The following GALNT18 variants were observed in gnomAD, a reference collection of about 807,000 sequenced individuals.
The protein encoded by GALNT18 is polypeptide N-acetylgalactosaminyltransferase 18, also known as GalNAc-transferase 18.
Under a neutral mutation model 69.5 loss-of-function variants are expected in GALNT18, and 44 were observed. The observed-to-expected ratio is 0.63, with a 90% CI of 0.50 to 0.81. The LOEUF (loss-of-function observed/expected upper bound fraction) is 0.81, where lower values mean the gene tolerates loss of function less well. Among genes scored for constraint, GALNT18 ranks in the 40% least tolerant of loss-of-function variants. GALNT18 has a pLI of 0.00. For synonymous variants in GALNT18, 364 were observed against 318.2 expected (o/e 1.14, Z -1.53); for missense variants, 715 against 810.0 (o/e 0.88, Z 1.42).
intron 1 of GALNT18, among the ~76,000 whole-genome samples, chr11:11,574,931 T>C (rs11021941): frequency 0.26 from 39,293 of 152,180 alleles, 6,703 homozygotes; most frequent in African/African-American, 0.48. Context: ...AAATTAATAG[T>C]CATGATTTAT....
chr11:11,303,793 C>A (rs1849535482), intron 9 of GALNT18, among the ~76,000 whole-genome samples: 1 of 152,252 alleles, frequency 6.6e-6, no homozygotes, highest in Non-Finnish European at 1.5e-5. Flanking sequence ...CACCATCACA[C>A]AAACTTATCT....
At chr11:11,392,369 C>T (rs892358748) in intron 3 of GALNT18, among the ~76,000 whole-genome samples, 1 of 152,192 alleles carries the variant, frequency 6.6e-6, no homozygotes, top group Non-Finnish European at 1.5e-5. Context: ...CCTGTAATCC[C>T]AGCACTCTGG....
intron 6 of GALNT18, among the ~76,000 whole-genome samples, chr11:11,342,116 A>G (rs987282824): frequency 6.6e-6 from 1 of 152,142 alleles, no homozygotes. Context: ...AGCCTCACTC[A>G]CTGATCGTGT....
At chr11:11,286,026 C>A (rs987296925) in intron 10 of GALNT18, among the ~76,000 whole-genome samples, 1 of 152,276 alleles carries the variant, frequency 6.6e-6, no homozygotes, top group Non-Finnish European at 1.5e-5. Flanking sequence ...CTATCCGCAA[C>A]GTTCCCCACT....
chr11:11,577,519 G>C (rs528357708), intron 1 of GALNT18, among the ~76,000 whole-genome samples: 1 of 152,200 alleles, frequency 6.6e-6, no homozygotes, highest in South Asian at 2.1e-4. Context: ...TCCAATTTCC[G>C]TTTTGTTAGA....
At chr11:11,576,052 G>A (rs1352730796) in intron 1 of GALNT18, among the ~76,000 whole-genome samples, 6 of 152,324 alleles carry the variant, frequency 3.9e-5, no homozygotes, top group Non-Finnish European at 7.3e-5. Context: ...AAGAGACAGA[G>A]CCAGGGTTTC....
In GALNT18 at chr11:11,439,057, C is replaced by T. The variant is rs535043843; in HGVS notation, c.429-6270G>A. Among the ~76,000 whole-genome samples the T allele has an allele frequency of 5.9e-5, 9 of 152,298 alleles. No homozygotes were observed. The South Asian group carries it at 1.9e-3, about 32-fold the overall frequency. ...CCTATGAGGCAGCCTAGCACAGAAG[C>T]TCTGCGTAGCTGGATCTAGTAATTT... On this transcript the variant is annotated intron_variant, in intron 2 of 10. Transcript: ENST00000227756. This position sits in a 1 kb window ranked among gnomAD's most constrained non-coding sequence, Gnocchi z 4.4.
rs1348209321 is a variant in GALNT18 at position 11,341,798 on chromosome 11, CCTT to C, written c.1093-797_1093-795del. 6.6e-6 allele frequency among the ~76,000 whole-genome samples: 1 copy of C among 152,030 alleles called. No homozygotes were observed. The highest frequency in any genetic ancestry group is 2.4e-5 in the African/African-American group (1 of 41,370). On this transcript the variant is annotated intron_variant, in intron 6 of 10. Transcript: ENST00000227756. The surrounding 1 kb of genome is among the most constrained non-coding windows in gnomAD (Gnocchi z 6.3). ...TTAGAATGCCCCACTGCCCCCAACTCCTTCTTCAGCTGAAAAAATTCACCTCTC... is the reference window on the plus strand; with the variant it reads ...TTAGAATGCCCCACTGCCCCCAACTCCTTCAGCTGAAAAAATTCACCTCTC...
chr11:11,492,892 C>T (rs902818904), intron 1 of GALNT18, among the ~76,000 whole-genome samples: 2 of 147,966 alleles, frequency 1.4e-5, no homozygotes, highest in Non-Finnish European at 3.0e-5. Context: ...CACATGTATC[C>T]CAGAACTTAA....
rs1208036692 is a variant in GALNT18, at chr11:11,320,800, C to T, written c.1512+6286G>A. Among the ~76,000 whole-genome samples, 1 of 152,216 alleles carries T rather than the reference C, an allele frequency of 6.6e-6. No individual in the cohort carries two copies. The highest frequency in any genetic ancestry group is 1.5e-5 in the Non-Finnish European group (1 of 68,038). ...ACCTTGTCCTTTCCAGCTCTCCCAG[C>T]TCACTGGGCAGGCCACAGCCTCAAC... On this transcript the variant is annotated intron_variant, in intron 9 of 10. Transcript: ENST00000227756. This position sits in a 1 kb window ranked among gnomAD's most constrained non-coding sequence, Gnocchi z 4.9.
intron 9 of GALNT18, among the ~76,000 whole-genome samples, chr11:11,297,419 A>G (rs1177811998): frequency 6.6e-6 from 1 of 152,180 alleles, no homozygotes; most frequent in African/African-American, 2.4e-5. Context: ...ATGTTTCCAA[A>G]GTCGCACGGT....
intron 1 of GALNT18, among the ~76,000 whole-genome samples, chr11:11,509,827 C>T (rs1857134272): frequency 1.3e-5 from 2 of 152,266 alleles, no homozygotes; most frequent in African/African-American, 4.8e-5. Context: ...ACTCCATCCT[C>T]TGTGGGAAAC....
chr11:11,378,238 A>C (rs933117731), intron 4 of GALNT18, among the ~76,000 whole-genome samples: 2 of 152,322 alleles, frequency 1.3e-5, no homozygotes, highest in Admixed American at 1.3e-4. Context: ...TTCCTGCTGA[A>C]GTGCCCTTGT....
At position 11,293,055 on chromosome 11, in the gene GALNT18, T is replaced by A; in HGVS notation, c.1651A>T (p.Met551Leu). The A allele has an allele frequency of 7.2e-7, 1 of 1,387,986 alleles. No homozygotes were observed. The highest frequency in any genetic ancestry group is 9.4e-7 in the Non-Finnish European group (1 of 1,062,118). The allele number at this position is 1,387,986 out of a possible 1,614,324, so 86.0% of individuals were successfully genotyped here. A position where few individuals can be genotyped will look rare whatever the true frequency, so the allele number is the denominator to read the frequency against. The change falls in exon 10 of 11, where the codon ATG becomes TTG. Residue 551 changes from methionine to leucine, a missense_variant. Met to Leu is a conservative substitution (Grantham distance 15). Coordinates refer to ENST00000227756, the MANE Select transcript of GALNT18 (RefSeq NM_198516.3). ...TGAGAGAACTGCCAGTGAAGCTTCA[T>A]CCTCTTGGCTTTGGCGTAGCTGCAT... ...IECSYAKAKR[M>L]KLHWQFSQGG...
At chr11:11,283,429 G>A (rs1737421673) in intron 10 of GALNT18, among the ~76,000 whole-genome samples, 1 of 152,196 alleles carries the variant, frequency 6.6e-6, no homozygotes, top group Non-Finnish European at 1.5e-5. Context: ...TTACAAGCAA[G>A]ACTTTGACTT....
rs117524601 is a variant in GALNT18, at chr11:11,564,028, T to C, written c.235+57331A>G. On this transcript the variant is annotated intron_variant, in intron 1 of 10. Coordinates refer to ENST00000227756, the MANE Select transcript of GALNT18 (RefSeq NM_198516.3). This position sits in a 1 kb window ranked among gnomAD's most constrained non-coding sequence, Gnocchi z 4.3. ...CAGCAACGATCAACTAGATGCTGAT[T>C]ACTAGTGAGGCACCATGCTAAATGA... Among the ~76,000 whole-genome samples the C allele has an allele frequency of 2.9e-3, 438 of 152,186 alleles. 2 individuals are homozygous for C. Among genetic ancestry groups the C allele is most frequent in the Middle Eastern group, 3.4e-3 (1 of 294 alleles).
At position 11,439,443 on chromosome 11, in the gene GALNT18, A is replaced by G. The variant is rs1855487205; in HGVS notation, c.429-6656T>C. Among the ~76,000 whole-genome samples, 1 of 152,240 alleles carries G rather than the reference A, an allele frequency of 6.6e-6. No homozygotes were observed. The highest frequency in any genetic ancestry group is 1.5e-5 in the Non-Finnish European group (1 of 68,042). On this transcript the variant is annotated intron_variant, in intron 2 of 10. Transcript: ENST00000227756. This position sits in a 1 kb window ranked among gnomAD's most constrained non-coding sequence, Gnocchi z 4.4. ...TTCCTTGCTCCCTGAGAACACGTAC[A>G]TAACCCAGTAGAGAAAGACCAATTC...
chr11:11,489,195 A>G (rs1416781960), intron 1 of GALNT18, among the ~76,000 whole-genome samples: 1 of 152,152 alleles, frequency 6.6e-6, no homozygotes, highest in Non-Finnish European at 1.5e-5. Flanking sequence ...TTCCATCCCC[A>G]CAGGAGTATG....
chr11:11,612,403 G>T (rs978897874), intron 1 of GALNT18, among the ~76,000 whole-genome samples: 2 of 152,032 alleles, frequency 1.3e-5, no homozygotes, highest in Non-Finnish European at 2.9e-5. Context: ...ATAAATCAAG[G>T]GTTTAGCTAG....
Sources: gnomAD v4.1 joint callset for allele counts (sites outside exome capture counted in the v4.1 genomes callset) on GRCh38, gnomAD v4.1.1 for gene constraint, Gnocchi (gnomAD v3.1) non-coding constraint, MANE v1.5 for transcripts, NCBI Gene and HGNC (gene_info 2026-07-23, HGNC 2026-07-21) for gene names.